Variants in ENTREP1 observed in about 807,000 individuals in gnomAD.
ENTREP1 encodes the protein Friedreich ataxia region gene X123.
At chr9:69,334,758 C>CCCTTT in the ENTREP1 span, among the ~76,000 whole-genome samples, 2 of 151,172 alleles carry the variant, frequency 1.3e-5, no homozygotes, top group South Asian at 2.1e-4. Context: ...AAAATAGTGG[C>CCCTTT]CCTTTCCTTT....
the ENTREP1 span, among the ~76,000 whole-genome samples, chr9:69,390,699 G>A: frequency 6.6e-6 from 1 of 152,174 alleles, no homozygotes; most frequent in Non-Finnish European, 1.5e-5. Flanking sequence ...AAGTGCGGTG[G>A]TGTAGATATA....
the ENTREP1 span, among the ~76,000 whole-genome samples, chr9:69,367,738 TATAC>T: frequency 1.3e-4 from 13 of 102,844 alleles, no homozygotes; most frequent in Non-Finnish European, 9.8e-5. Flanking sequence ...AAAATATATA[TATAC>T]ACATATATAA....
the ENTREP1 span, among the ~76,000 whole-genome samples, chr9:69,364,542 A>T: frequency 1.3e-5 from 2 of 152,134 alleles, no homozygotes; most frequent in Non-Finnish European, 2.9e-5. Flanking sequence ...CATCTGATGA[A>T]GCTTGAGATA....
chr9:69,361,017 T>G, the ENTREP1 span, among the ~76,000 whole-genome samples: 1 of 152,158 alleles, frequency 6.6e-6, no homozygotes, highest in African/African-American at 2.4e-5. Flanking sequence ...CTCCATAGAA[T>G]TTTGGCTTTC....
chr9:69,385,961 C>T, the ENTREP1 span: 1 of 1,590,808 alleles, frequency 6.3e-7, no homozygotes, highest in Non-Finnish European at 8.5e-7. Context: ...ATGTCATTCC[C>T]CAAGCTCTTC....
chr9:69,365,593 C>T, the ENTREP1 span, among the ~76,000 whole-genome samples: 1 of 152,126 alleles, frequency 6.6e-6, no homozygotes, highest in Non-Finnish European at 1.5e-5. Flanking sequence ...CCCTACTCTG[C>T]TTTCAAACAT....
At chr9:69,353,160 G>A in the ENTREP1 span, among the ~76,000 whole-genome samples, 1 of 152,074 alleles carries the variant, frequency 6.6e-6, no homozygotes, top group Non-Finnish European at 1.5e-5. Context: ...AGTAGAAGAA[G>A]ATAACACTGC....
the ENTREP1 span, among the ~76,000 whole-genome samples, chr9:69,363,809 A>C: frequency 6.6e-6 from 1 of 152,174 alleles, no homozygotes; most frequent in Non-Finnish European, 1.5e-5. Context: ...GCCAGTCTAC[A>C]TACAACAGCC....
the ENTREP1 span, chr9:69,380,249 C>T: frequency 6.6e-6 from 1 of 152,260 alleles, no homozygotes; most frequent in East Asian, 1.9e-4. Context: ...AATTTATTCA[C>T]ATTTAGATAC....
the ENTREP1 span, chr9:69,391,839 G>C: frequency 6.5e-7 from 1 of 1,538,106 alleles, no homozygotes; most frequent in Non-Finnish European, 8.8e-7. Context: ...CAAGGGGAAG[G>C]ATCCCTCTCC....
the ENTREP1 span, chr9:69,371,346 G>A: frequency 1.4e-6 from 1 of 734,092 alleles, no homozygotes. Context: ...AGTCTAAAAT[G>A]TGAAAAAAAG....
At chr9:69,330,385 CTAT>C in the ENTREP1 span, among the ~76,000 whole-genome samples, 69 of 152,212 alleles carry the variant, frequency 4.5e-4, no homozygotes, top group Admixed American at 2.9e-3. Context: ...TCTGAGTGCC[CTAT>C]TATTCTTTAT....
the ENTREP1 span, chr9:69,391,624 C>A: frequency 1.2e-6 from 2 of 1,614,168 alleles, no homozygotes; most frequent in Non-Finnish European, 1.7e-6. Flanking sequence ...TGCAGCCCAG[C>A]ACATCCAGGG....
the ENTREP1 span, among the ~76,000 whole-genome samples, chr9:69,361,011 A>G: frequency 6.6e-6 from 1 of 152,182 alleles, no homozygotes; most frequent in Non-Finnish European, 1.5e-5. Context: ...GCATGGCTCC[A>G]TAGAATTTTG....
the ENTREP1 span, chr9:69,388,533 A>T: frequency 9.4e-7 from 1 of 1,065,672 alleles, no homozygotes; most frequent in Non-Finnish European, 1.3e-6. Context: ...TTCTTGTCCA[A>T]GGCAGAGTAA....
At chr9:69,390,384 G>C in the ENTREP1 span, among the ~76,000 whole-genome samples, 1 of 152,132 alleles carries the variant, frequency 6.6e-6, no homozygotes. Flanking sequence ...AAACATGGCA[G>C]TGCAATTTTT....
chr9:69,339,578 T>C, the ENTREP1 span, among the ~76,000 whole-genome samples: 2 of 152,182 alleles, frequency 1.3e-5, no homozygotes, highest in Non-Finnish European at 2.9e-5. Flanking sequence ...CCCCTCTGCC[T>C]CAGTTTCCCG....
At chr9:69,371,672 C>A in the ENTREP1 span, 19 of 1,081,360 alleles carry the variant, frequency 1.8e-5, no homozygotes, top group East Asian at 2.4e-4. Flanking sequence ...GTGTTCCTGG[C>A]GAGACTTGCA....
the ENTREP1 span, chr9:69,385,855 C>A: frequency 3.7e-6 from 6 of 1,610,398 alleles, no homozygotes; most frequent in African/African-American, 1.3e-5. Context: ...CCCAGTTCAA[C>A]CCTGGTGCGT....
Sources: gnomAD v4.1 joint callset for allele counts (sites outside exome capture counted in the v4.1 genomes callset) on GRCh38, gnomAD v4.1.1 for gene constraint, MANE v1.5 for transcripts, NCBI Gene and HGNC (gene_info 2026-07-23, HGNC 2026-07-21) for gene names.